Variants in LGALS4 observed in about 807,000 individuals in gnomAD.
LGALS4 encodes galectin 4.
In LGALS4, 37 loss-of-function variants were observed where a neutral mutation model predicts 39.6. The observed-to-expected ratio is 0.93, with a 90% CI of 0.72 to 1.23. The LOEUF is 1.23. Among genes scored for constraint, LGALS4 ranks in the 50% most tolerant of loss-of-function variants. LGALS4 has a pLI of 0.00. For synonymous variants in LGALS4, 160 were observed against 165.5 expected (o/e 0.97, Z 0.25); for missense variants, 397 against 433.2 (o/e 0.92, Z 0.74).
At chr19:38,812,695 G>A (rs1161582999) in intron 1 of LGALS4, 147 bp downstream of exon 1, 4 of 996,194 alleles carry the variant, frequency 4.0e-6, no homozygotes, top group East Asian at 2.4e-5. Flanking sequence ...TGAGGTCAGG[G>A]TAGGAGTAAA....
chr19:38,812,765 G>T lies in LGALS4; in HGVS notation c.45+77C>A, dbSNP rs1971509830. 7 of 1,510,788 alleles carry T rather than the reference G, an allele frequency of 4.6e-6. 1 individual carries two copies. The highest frequency in any genetic ancestry group is 4.5e-5 in the South Asian group (4 of 88,440). 93.6% of individuals were successfully genotyped at this position (1,510,788 alleles called of 1,614,324 possible). ...CACAGAGTCAGATGGGGCCCCCCAG[G>T]ATCAGAGTGGGGAAAATTGGTGTGA... On this transcript the variant is annotated intron_variant, in intron 1 of 9. Transcript: ENST00000307751.
At chr19:38,807,353 C>T (rs895059847) in intron 3 of LGALS4, among the ~76,000 whole-genome samples, 12 of 151,930 alleles carry the variant, frequency 7.9e-5, no homozygotes, top group Admixed American at 4.6e-4. Context: ...GGCAACAGAG[C>T]GAGACCCAGT....
At chr19:38,807,726 A>G (rs918293061) in intron 3 of LGALS4, among the ~76,000 whole-genome samples, 10 of 151,908 alleles carry the variant, frequency 6.6e-5, no homozygotes, top group Middle Eastern at 6.8e-3. Flanking sequence ...TCAGATTGTT[A>G]CTGTGTCTGT....
intron 2 of LGALS4, among the ~76,000 whole-genome samples, chr19:38,811,581 C>G (rs1008729852): frequency 7.2e-5 from 11 of 151,840 alleles, no homozygotes; most frequent in Non-Finnish European, 1.3e-4. Context: ...TCACTTTAGC[C>G]CAGGAGTTGG....
chr19:38,805,958 G>A (rs1470841136), intron 4 of LGALS4, among the ~76,000 whole-genome samples: 1 of 152,162 alleles, frequency 6.6e-6, no homozygotes, highest in East Asian at 1.9e-4. Context: ...TGTAATCCCA[G>A]CTACTTGGGA....
chr19:38,802,402 A>C lies in LGALS4; in HGVS notation c.573T>G (p.Pro191=). 1.9e-6 allele frequency: 3 copies of C among 1,613,838 alleles called. No individual in the cohort carries two copies. In the South Asian group the frequency reaches 3.3e-5, roughly 18 times the overall value. The change falls in exon 8 of 10, where the codon CCT becomes CCG. Residue 191 remains proline, a splice_region_variant and synonymous_variant. Transcript: ENST00000307751. ...CTTGCAGCCTCCCGAAATATGGCAC[A>C]GGCTGTGGGAAGAGAACGGGGGGTC... ...TMEGPPTFNP[P]VPYFGRLQGG...
chr19:38,803,574 T>C (rs1971386677), intron 6 of LGALS4, 23 bp from the exon 7 acceptor site: 1 of 1,613,512 alleles, frequency 6.2e-7, no homozygotes, highest in South Asian at 1.1e-5. Flanking sequence ...GAAGAAGCGA[T>C]ATTATTCTCC....
At chr19:38,807,240 C>T (rs1482252804) in intron 3 of LGALS4, among the ~76,000 whole-genome samples, 2 of 152,036 alleles carry the variant, frequency 1.3e-5, no homozygotes, top group Non-Finnish European at 2.9e-5. Flanking sequence ...TGGTGGTGTG[C>T]ACCTAGAGTC....
Position 38,801,713 on chromosome 19 carries a change from A to G in LGALS4, c.*51T>C. ...ACATTTTATTAGGGGCTTAGAAAGG[A>G]GTCCTAGGGGATAATTCTGTTTTCC... On this transcript the variant is annotated 3_prime_UTR_variant, in exon 10 of 10. Transcript: ENST00000307751. 1 of 1,584,434 alleles carries G rather than the reference A, an allele frequency of 6.3e-7. No individual in the cohort carries two copies. Among genetic ancestry groups the G allele is most frequent in the Non-Finnish European group, 8.6e-7 (1 of 1,159,100 alleles).
intron 3 of LGALS4, among the ~76,000 whole-genome samples, chr19:38,807,943 C>T (rs991807502): frequency 2.6e-5 from 4 of 152,014 alleles, no homozygotes; most frequent in African/African-American, 9.7e-5. Context: ...GAGTCATCAC[C>T]ACTCCCTAAT....
At chr19:38,808,014 C>T (rs1230253176) in intron 3 of LGALS4, among the ~76,000 whole-genome samples, 1 of 152,216 alleles carries the variant, frequency 6.6e-6, no homozygotes, top group Non-Finnish European at 1.5e-5. Context: ...CTAGGAAAAC[C>T]AGAGACCTTT....
chr19:38,807,093 C>T (rs749262487), intron 3 of LGALS4, among the ~76,000 whole-genome samples: 7 of 152,106 alleles, frequency 4.6e-5, no homozygotes, highest in Non-Finnish European at 7.4e-5. Context: ...ACTGGCCGGG[C>T]GCAGTGGCTC....
At chr19:38,802,494 C>T (rs2145351602) in intron 7 of LGALS4, 90 bp from the exon 8 acceptor site, 1 of 1,024,182 alleles carries the variant, frequency 9.8e-7, no homozygotes, top group Non-Finnish European at 1.5e-6. Flanking sequence ...CTTTTCTTTC[C>T]TGTCTTTTTT....
Position 38,808,973 on chromosome 19 carries a change from C to T in LGALS4, c.135-25G>A, listed in dbSNP as rs767724436. On this transcript the variant is annotated intron_variant, in intron 2 of 9. Transcript: ENST00000307751. ...CCTGGCGGGACACAAAGGGCTCATT[C>T]CCCTGGTGCCACCTCCCGGGGCCTG... The T allele has an allele frequency of 3.8e-6, 6 of 1,569,422 alleles. No individual in the cohort carries two copies. In the African/African-American group the frequency reaches 8.1e-5, roughly 21 times the overall value.
At chr19:38,804,076 C>T (rs943561799) in intron 4 of LGALS4, among the ~76,000 whole-genome samples, 181 bp from the exon 5 acceptor site, 1 of 152,176 alleles carries the variant, frequency 6.6e-6, no homozygotes, top group Admixed American at 6.5e-5. Context: ...GTTCTGGGAT[C>T]GCTGATGCCC....
Position 38,812,897 on chromosome 19 carries a change from T to A in LGALS4, c.-11A>T. ...GGGGACATAGGCCATCGCTCGAGGC[T>A]GCGCTAGTGGCTGGTCCTGTGAGAA... On this transcript the variant is annotated 5_prime_UTR_variant, in exon 1 of 10. Transcript: ENST00000307751. The A allele has an allele frequency of 4.3e-6, 7 of 1,611,390 alleles. No individual in the cohort carries two copies. Among genetic ancestry groups the A allele is most frequent in the Non-Finnish European group, 4.2e-6 (5 of 1,179,860 alleles).
chr19:38,807,723 G>A (rs1971438975), intron 3 of LGALS4, among the ~76,000 whole-genome samples: 1 of 152,134 alleles, frequency 6.6e-6, no homozygotes, highest in Admixed American at 6.6e-5. Flanking sequence ...AGATCAGATT[G>A]TTACTGTGTC....
chr19:38,812,269 C>T (rs780477278), intron 2 of LGALS4, among the ~76,000 whole-genome samples, 162 bp downstream of exon 2: 14 of 152,230 alleles, frequency 9.2e-5, no homozygotes, highest in Middle Eastern at 3.2e-3. Context: ...CACGTCCCCA[C>T]TCCTGATCTG....
At chr19:38,806,374 A>C (rs1971421517) in intron 4 of LGALS4, 87 bp downstream of exon 4, 4 of 1,455,578 alleles carry the variant, frequency 2.7e-6, no homozygotes, top group Non-Finnish European at 3.7e-6. Context: ...TCTCAAAAAA[A>C]AAAGAAAAAA....
Sources: allele counts gnomAD v4.1 joint callset (sites outside exome capture counted in the v4.1 genomes callset), GRCh38; gene constraint gnomAD v4.1.1; transcripts MANE v1.5; gene names NCBI Gene and HGNC (gene_info 2026-07-23, HGNC 2026-07-21).